Variants in KAT14 observed in about 807,000 individuals in gnomAD.
The protein encoded by KAT14 is cysteine-rich protein 2-binding protein.
In KAT14, 66 loss-of-function variants were observed where a neutral mutation model predicts 78.4. The observed-to-expected ratio is 0.84, with a 90% confidence interval of 0.69 to 1.03. The LOEUF (loss-of-function observed/expected upper bound fraction) is 1.03, where lower values mean the gene tolerates loss of function less well. Ranked by LOEUF, KAT14 falls within the 50% of genes least tolerant of loss-of-function variation. KAT14 has a pLI of 0.00. For missense variants in KAT14, 870 were observed against 972.5 expected, an observed-to-expected ratio of 0.89 and a Z score of 1.40; for synonymous variants, 344 against 359.4, an observed-to-expected ratio of 0.96 and a Z score of 0.48.
At position 18,180,764 on chromosome 20, in the gene KAT14, C is replaced by A. The variant is rs541760756; in HGVS notation, c.1669-946C>A. On this transcript the variant is annotated intron_variant, in intron 7 of 10. Transcript: ENST00000688188. Reference sequence around the variant, plus strand: ...AGCAGAAACCCCTGATTAAAAAAAACAAAACATCGGACCTTGTGAGACTTA... The same window carrying A: ...AGCAGAAACCCCTGATTAAAAAAAAAAAAACATCGGACCTTGTGAGACTTA... Among the ~76,000 whole-genome samples, 575 of 150,080 alleles carry A rather than the reference C, an allele frequency of 3.8e-3. 4 individuals carry two copies. The highest frequency in any genetic ancestry group is 0.013 in the African/African-American group (538 of 40,732).
chr20:18,139,023 T>C (rs2146315811), intron 1 of KAT14, among the ~76,000 whole-genome samples: 1 of 152,296 alleles, frequency 6.6e-6, no homozygotes, highest in African/African-American at 2.4e-5. Flanking sequence ...GTAAACAGTC[T>C]TTTCTTGATT....
intron 7 of KAT14, among the ~76,000 whole-genome samples, chr20:18,179,014 T>TA (rs1186296350): frequency 1.3e-5 from 2 of 152,294 alleles, no homozygotes; most frequent in African/African-American, 4.8e-5. Context: ...ACAAAGGGGT[T>TA]ACAGGGCCCA....
At chr20:18,182,129 A>C (rs6136319) in intron 8 of KAT14, among the ~76,000 whole-genome samples, 7 of 150,704 alleles carry the variant, frequency 4.6e-5, no homozygotes, top group Non-Finnish European at 3.0e-5. Flanking sequence ...TATTATTATT[A>C]TTTTTTTTTT....
chr20:18,183,757 A>G (rs997829363), intron 9 of KAT14, among the ~76,000 whole-genome samples: 1 of 152,266 alleles, frequency 6.6e-6, no homozygotes. Context: ...GAATAAGGGT[A>G]AACCCAATAT....
At position 18,162,364 on chromosome 20, in the gene KAT14, G is replaced by A. The variant is rs765210287; in HGVS notation, c.1100-13G>A. On this transcript the variant is annotated splice_polypyrimidine_tract_variant and intron_variant, in intron 6 of 10. Coordinates refer to ENST00000688188, the MANE Select transcript of KAT14 (RefSeq NM_001392073.1). ...TCCTATGTCTTGATGACACTGTTTT[G>A]TACTCTGCACAGATGACGATGAGAT... 2.5e-6 allele frequency: 4 copies of A among 1,607,860 alleles called. No individual in the cohort carries two copies. The East Asian group carries it at 8.9e-5, about 36-fold the overall frequency.
chr20:18,143,917 A>G (rs757656745), intron 2 of KAT14, among the ~76,000 whole-genome samples: 6 of 152,196 alleles, frequency 3.9e-5, no homozygotes, highest in Non-Finnish European at 7.4e-5. Context: ...GGCATGTGCT[A>G]CTGTGCTCGG....
intron 7 of KAT14, among the ~76,000 whole-genome samples, chr20:18,172,115 T>TA (rs551189099): frequency 6.6e-6 from 1 of 152,104 alleles, no homozygotes; most frequent in Non-Finnish European, 1.5e-5. Flanking sequence ...TTTTTTTTTT[T>TA]ATTTGAGACA....
intron 3 of KAT14, among the ~76,000 whole-genome samples, chr20:18,150,396 C>T (rs1388320482): frequency 6.6e-6 from 1 of 152,106 alleles, no homozygotes; most frequent in African/African-American, 2.4e-5. Flanking sequence ...AGGGTAGTGC[C>T]GTTGGTCAGA....
intron 1 of KAT14, among the ~76,000 whole-genome samples, chr20:18,141,038 TTTTTTTTTA>T (rs1568661506): frequency 1.3e-4 from 4 of 31,598 alleles, no homozygotes; most frequent in African/African-American, 2.3e-4. Flanking sequence ...TTTTTTTTTT[TTTTTTTTTA>T]TTTTTATTTT....
intron 7 of KAT14, among the ~76,000 whole-genome samples, chr20:18,164,109 T>C (rs1469157335): frequency 6.6e-6 from 1 of 152,182 alleles, no homozygotes; most frequent in Admixed American, 6.5e-5. Flanking sequence ...CTGGGGGCTA[T>C]AGTTTACCAA....
chr20:18,157,208 G>T (rs1246034032), intron 4 of KAT14, among the ~76,000 whole-genome samples: 3 of 152,004 alleles, frequency 2.0e-5, no homozygotes, highest in African/African-American at 7.2e-5. Flanking sequence ...GTCTTTGTCA[G>T]TCTTTTTTAT....
chr20:18,160,951 G>A (rs1184063878), intron 5 of KAT14, among the ~76,000 whole-genome samples: 1 of 152,054 alleles, frequency 6.6e-6, no homozygotes, highest in Non-Finnish European at 1.5e-5. Flanking sequence ...GAGACAGGTG[G>A]ATCATCTGAG....
At position 18,142,312 on chromosome 20, in the gene KAT14, A is replaced by C; in HGVS notation, c.-349A>C. On this transcript the variant is annotated 5_prime_UTR_variant, in exon 2 of 11. Transcript: ENST00000688188. ...TTATTTTGACTGAGCAACTTGAAGC[A>C]GAAAGAGAGAAGATGTTATTGGCAA... The C allele has an allele frequency of 6.5e-7, 1 of 1,537,056 alleles. No homozygotes were observed. Among genetic ancestry groups the C allele is most frequent in the Non-Finnish European group, 8.7e-7 (1 of 1,146,818 alleles).
intron 3 of KAT14, among the ~76,000 whole-genome samples, chr20:18,149,990 G>A (rs375919931): frequency 1.3e-5 from 2 of 152,114 alleles, no homozygotes; most frequent in East Asian, 3.8e-4. Flanking sequence ...ACATCTATAT[G>A]AGTATCTGAG....
chr20:18,152,798 G>A (rs6111859), intron 4 of KAT14, among the ~76,000 whole-genome samples: 25,392 of 152,162 alleles, frequency 0.17, 2,809 homozygotes, highest in East Asian at 0.51. Flanking sequence ...GGGCACATCT[G>A]CATGTGGCTT....
At chr20:18,171,394 TA>T (rs1670491671) in intron 7 of KAT14, among the ~76,000 whole-genome samples, 2 of 152,282 alleles carry the variant, frequency 1.3e-5, no homozygotes, top group Admixed American at 1.3e-4. Flanking sequence ...CTAAAGATGC[TA>T]TGAACATTGT....
chr20:18,171,079 C>A (rs892938700), intron 7 of KAT14, among the ~76,000 whole-genome samples: 4 of 152,086 alleles, frequency 2.6e-5, no homozygotes, highest in Admixed American at 1.3e-4. Context: ...CATTGAAAAC[C>A]TTCTGGAAAA....
chr20:18,187,609 C>A lies in KAT14; in HGVS notation c.*150C>A. 1.5e-6 allele frequency: 2 copies of A among 1,336,690 alleles called. No homozygotes were observed. Among genetic ancestry groups the A allele is most frequent in the Non-Finnish European group, 2.0e-6 (2 of 998,564 alleles). The allele number at this position is 1,336,690 out of a possible 1,614,324, so 82.8% of individuals were successfully genotyped here. A position where few individuals can be genotyped will look rare whatever the true frequency, so the allele number is the denominator to read the frequency against. On this transcript the variant is annotated 3_prime_UTR_variant, in exon 11 of 11. Transcript: ENST00000688188. ...CAACCAAAGTGAGAAAAGCGGCATG[C>A]AGTGAAATGAGCAGTGAGCAGCCCT... is the stretch of plus-strand genomic sequence containing the variant.
intron 7 of KAT14, among the ~76,000 whole-genome samples, chr20:18,163,479 T>A (rs1166184654): frequency 1.3e-5 from 2 of 152,228 alleles, no homozygotes; most frequent in Non-Finnish European, 2.9e-5. Flanking sequence ...ACTCTCCCAC[T>A]GGGAGGAACA....
Sources: gnomAD v4.1 joint callset for allele counts (sites outside exome capture counted in the v4.1 genomes callset) on GRCh38, gnomAD v4.1.1 for gene constraint, MANE v1.5 for transcripts, NCBI Gene and HGNC (gene_info 2026-07-23, HGNC 2026-07-21) for gene names.